The following SLC19A3 variants were observed in gnomAD, a reference collection of about 807,000 sequenced individuals.
SLC19A3 encodes thiamine transporter 2.
SLC19A3 carries 31 observed loss-of-function variants against 40.2 expected under a neutral mutation model. The ratio of observed to expected loss-of-function variants is 0.77; its 90% CI spans 0.58 to 1.04. The LOEUF is 1.04. Among genes scored for constraint, SLC19A3 ranks in the 50% least tolerant of loss-of-function variants. The pLI is 0.00. For synonymous variants in SLC19A3, 212 were observed against 227.5 expected, an observed-to-expected ratio of 0.93 and a Z score of 0.61; for missense variants, 592 against 596.7, an observed-to-expected ratio of 0.99 and a Z score of 0.08.
chr2:227,707,266 C>T (rs1183886956), intron 1 of SLC19A3, among the ~76,000 whole-genome samples: 1 of 152,148 alleles, frequency 6.6e-6, no homozygotes, highest in East Asian at 1.9e-4. Flanking sequence ...TGATGGGTTC[C>T]TTTCTTCTTT....
Position 227,698,846 on chromosome 2 carries a change from G to A in SLC19A3, c.869C>T (p.Ala290Val), listed in dbSNP as rs1289482106. 1.2e-6 allele frequency: 2 copies of A among 1,614,184 alleles called. No homozygotes were observed. The highest frequency in any genetic ancestry group is 1.3e-5 in the African/African-American group (1 of 75,064). The change falls in exon 3 of 6, where the codon GCA (alanine) becomes GTA (valine). Residue 290 changes from alanine (A) to valine (V), a missense_variant. Ala to Val is a moderately conservative substitution (Grantham distance 64). Coordinates refer to ENST00000644224, the MANE Select transcript of SLC19A3 (RefSeq NM_025243.4). The stretch of plus-strand genomic sequence containing the variant: ...ATAGTTCAAAACCTGGTTAAAACCT[G>A]CTGTGGCGAAAGCCCACCATAGAGA... ...YWSLWWAFAT[A>V]GFNQVLNYVQ...
intron 1 of SLC19A3, among the ~76,000 whole-genome samples, chr2:227,714,922 C>T (rs1506565): frequency 0.024 from 3,565 of 149,020 alleles, 65 homozygotes; most frequent in African/African-American, 0.054. Context: ...TGGGTTCAAG[C>T]GATTCTCCCA....
intron 1 of SLC19A3, among the ~76,000 whole-genome samples, chr2:227,711,452 T>TAA (rs1465107981): frequency 1.4e-5 from 2 of 147,594 alleles, no homozygotes; most frequent in Non-Finnish European, 3.0e-5. Context: ...TAAAATAAAA[T>TAA]AATAAAATAA....
chr2:227,693,717 C>A (rs1695318740), intron 4 of SLC19A3, among the ~76,000 whole-genome samples: 1 of 151,930 alleles, frequency 6.6e-6, no homozygotes, highest in Non-Finnish European at 1.5e-5. Context: ...CACAGGCAAC[C>A]AAAGCAAAAA....
intron 4 of SLC19A3, among the ~76,000 whole-genome samples, chr2:227,692,913 C>T (rs1695287548): frequency 6.6e-6 from 1 of 152,064 alleles, no homozygotes; most frequent in South Asian, 2.1e-4. Context: ...GCAAACAGAA[C>T]AATCTGGAAA....
At chr2:227,693,198 T>C (rs1044920577) in intron 4 of SLC19A3, among the ~76,000 whole-genome samples, 1 of 151,980 alleles carries the variant, frequency 6.6e-6, no homozygotes, top group South Asian at 2.1e-4. Flanking sequence ...AAAAAGCAAT[T>C]CTAAAATTTA....
intron 1 of SLC19A3, chr2:227,714,630 C>A: frequency 1.0e-6 from 1 of 983,408 alleles, no homozygotes; most frequent in Non-Finnish European, 1.2e-6. Context: ...TACGCAGAAG[C>A]CCATCCACTT....
chr2:227,715,675 G>T (rs762760979), intron 1 of SLC19A3, among the ~76,000 whole-genome samples: 1 of 152,222 alleles, frequency 6.6e-6, no homozygotes, highest in Non-Finnish European at 1.5e-5. Context: ...TCTAGTCTTA[G>T]GGAGAGCAGG....
chr2:227,716,387 C>T (rs542263225), intron 1 of SLC19A3, among the ~76,000 whole-genome samples: 5 of 152,206 alleles, frequency 3.3e-5, no homozygotes, highest in African/African-American at 4.8e-5. Flanking sequence ...ACTCAGAAGC[C>T]GATACCCCAA....
At chr2:227,706,539 G>A in intron 1 of SLC19A3, 1 of 1,071,922 alleles carries the variant, frequency 9.3e-7, no homozygotes, top group Non-Finnish European at 1.2e-6. Flanking sequence ...GGGAGGCTGA[G>A]GCAGGTGGAT....
At chr2:227,687,768 G>A (rs1695074376) in intron 5 of SLC19A3, among the ~76,000 whole-genome samples, 195 bp from the exon 6 acceptor site, 1 of 152,092 alleles carries the variant, frequency 6.6e-6, no homozygotes, top group Admixed American at 6.5e-5. Context: ...AAGCAATACG[G>A]TGACTAAGAG....
Position 227,702,415 on chromosome 2 carries a change from A to T in SLC19A3, c.-2-95T>A, listed in dbSNP as rs184200237. On this transcript the variant is annotated intron_variant, in intron 1 of 5. Transcript: ENST00000644224. ...ACCTGATTTTTTTTTTTTTTTTGAG[A>T]TGGAGGGTCGCTCTGTTGTCCAGGC... 125 of 1,179,088 alleles carry T rather than the reference A, an allele frequency of 1.1e-4. No homozygotes were observed. The African/African-American group carries it at 1.7e-3, about 16-fold the overall frequency. The allele number at this position is 1,179,088 out of a possible 1,614,324, so 73.0% of individuals were successfully genotyped here. A position where few individuals can be genotyped will look rare whatever the true frequency, so the allele number is the denominator to read the frequency against.
At chr2:227,689,823 T>G (rs1329834148) in intron 4 of SLC19A3, among the ~76,000 whole-genome samples, 1 of 152,164 alleles carries the variant, frequency 6.6e-6, no homozygotes, top group Non-Finnish European at 1.5e-5. Context: ...TACAATAAGA[T>G]ATAAAGAGAA....
intron 4 of SLC19A3, among the ~76,000 whole-genome samples, chr2:227,692,037 C>T (rs1351170207): frequency 1.3e-5 from 2 of 152,030 alleles, no homozygotes; most frequent in African/African-American, 4.8e-5. Context: ...AAATCCAAAA[C>T]CTGAGAAGAC....
intron 4 of SLC19A3, among the ~76,000 whole-genome samples, chr2:227,695,103 T>G (rs1355303800): frequency 6.6e-6 from 1 of 152,184 alleles, no homozygotes; most frequent in African/African-American, 2.4e-5. Context: ...CGACTGCAGC[T>G]AAAGGTTTCT....
At chr2:227,699,769 C>T (rs769896733) in intron 2 of SLC19A3, among the ~76,000 whole-genome samples, 4 of 152,056 alleles carry the variant, frequency 2.6e-5, no homozygotes, top group South Asian at 2.1e-4. Context: ...AGATAAACCC[C>T]GGCAGAAAAA....
At chr2:227,697,109 A>C (rs537189374) in intron 3 of SLC19A3, among the ~76,000 whole-genome samples, 1 of 152,288 alleles carries the variant, frequency 6.6e-6, no homozygotes, top group Admixed American at 6.5e-5. Flanking sequence ...AAATTACTAC[A>C]TTGACATATG....
At chr2:227,701,490 C>G (rs2106331763) in intron 2 of SLC19A3, 1 of 164,206 alleles carries the variant, frequency 6.1e-6, no homozygotes, top group East Asian at 1.8e-4. Flanking sequence ...AGCATGGTGG[C>G]TCATGCCCGT....
At chr2:227,690,864 C>T (rs1347398576) in intron 4 of SLC19A3, among the ~76,000 whole-genome samples, 1 of 151,798 alleles carries the variant, frequency 6.6e-6, no homozygotes, top group African/African-American at 2.4e-5. Flanking sequence ...GACAGATCTT[C>T]CAGAGAGAAA....
Sources: allele counts gnomAD v4.1 joint callset (sites outside exome capture counted in the v4.1 genomes callset), GRCh38; gene constraint gnomAD v4.1.1; transcripts MANE v1.5; gene names NCBI Gene and HGNC (gene_info 2026-07-23, HGNC 2026-07-21).